The following PMP2 variants were observed in gnomAD, a reference collection of about 807,000 sequenced individuals.
The protein encoded by PMP2 is peripheral myelin protein 2.
Under a neutral mutation model 15.9 loss-of-function variants are expected in PMP2, and 11 were observed. The ratio of observed to expected loss-of-function variants is 0.69; its 90% CI spans 0.44 to 1.14. The LOEUF is 1.14. Ranked by LOEUF, PMP2 falls within the 50% of genes most tolerant of loss-of-function variation. PMP2 has a pLI of 0.00. For missense variants in PMP2, 151 were observed against 154.0 expected, an observed-to-expected ratio of 0.98 and a Z score of 0.10; for synonymous variants, 55 against 54.1, an observed-to-expected ratio of 1.02 and a Z score of -0.07.
chr8:81,444,581 T>G lies in PMP2; in HGVS notation c.267A>C (p.Arg89Ser), dbSNP rs375942205. The G allele has an allele frequency of 3.7e-6, 6 of 1,613,776 alleles. No individual in the cohort carries two copies. The highest frequency in any genetic ancestry group is 5.1e-6 in the Non-Finnish European group (6 of 1,179,790). ...RKTKSIVTLQ[R>S]GSLNQVQRWD... Reference sequence around the variant, plus strand: ...ATCTCTGCACTTGATTCAGTGATCCTCTCTGCAGGGTTACGATGCTCTGCA... The same window carrying G: ...ATCTCTGCACTTGATTCAGTGATCCGCTCTGCAGGGTTACGATGCTCTGCA... Residue 89 changes from arginine to serine, a missense_variant, in exon 3 of 4, where the codon AGA (arginine) becomes AGC (serine). Physicochemically the swap from Arg to Ser is moderately radical, Grantham distance 110. Coordinates refer to ENST00000256103, the MANE Select transcript of PMP2 (RefSeq NM_002677.5).
At position 81,441,535 on chromosome 8, in the gene PMP2, T is replaced by TATC. The variant is rs1250733338; in HGVS notation, c.*1860_*1862dup. 7.0e-6 allele frequency: 1 copy of TATC among 142,168 alleles called. No homozygotes were observed. The highest frequency in any genetic ancestry group is 2.9e-5 in the African/African-American group (1 of 34,128). The allele number at this position is 142,168 out of a possible 1,614,324, so 8.8% of individuals were successfully genotyped here. ...CTTCTCATTTCTCTATCTATCTATC[T>TATC]ATCTATCTATCTATCTATCTATCTA... is the stretch of plus-strand genomic sequence containing the variant. On this transcript the variant is annotated 3_prime_UTR_variant, in exon 4 of 4. Transcript: ENST00000256103.
In PMP2 at chr8:81,441,271, A is replaced by G. The variant is rs1284016263; in HGVS notation, c.*2127T>C. ...GAGGTTGTCCATTTTTTTCCATTGC[A>G]TGGTTACTATTCTTTCCCCAGAAAC... On this transcript the variant is annotated 3_prime_UTR_variant, in exon 4 of 4. Transcript: ENST00000256103. The G allele has an allele frequency of 2.0e-5, 3 of 152,042 alleles. No homozygotes were observed. Among genetic ancestry groups the G allele is most frequent in the Non-Finnish European group, 4.4e-5 (3 of 67,974 alleles). 9.4% of individuals were successfully genotyped at this position (152,042 alleles called of 1,614,324 possible). A position where few individuals can be genotyped will look rare whatever the true frequency, so the allele number is the denominator to read the frequency against.
chr8:81,443,508 G>A, intron 3 of PMP2, 60 bp from the exon 4 acceptor site: 1 of 1,057,174 alleles, frequency 9.5e-7, no homozygotes, highest in East Asian at 2.5e-5. Flanking sequence ...CAGAAAATTT[G>A]TAATAAAAAT....
intron 3 of PMP2, among the ~76,000 whole-genome samples, chr8:81,443,900 C>T (rs551020362): frequency 2.0e-5 from 3 of 151,956 alleles, no homozygotes; most frequent in East Asian, 1.9e-4. Context: ...AAGAAACATT[C>T]GGAAGAGTAC....
At chr8:81,445,822 C>G (rs1488816944) in intron 1 of PMP2, among the ~76,000 whole-genome samples, 1 of 151,960 alleles carries the variant, frequency 6.6e-6, no homozygotes, top group Non-Finnish European at 1.5e-5. Flanking sequence ...GCTTCTATAT[C>G]TAGCTGGTAG....
intron 3 of PMP2, among the ~76,000 whole-genome samples, chr8:81,444,029 C>T (rs547518881): frequency 6.6e-4 from 101 of 151,978 alleles, no homozygotes; most frequent in African/African-American, 7.7e-4. Context: ...CATCTGCCAA[C>T]TAGAAGTCTC....
intron 1 of PMP2, among the ~76,000 whole-genome samples, chr8:81,446,403 G>C (rs889330770): frequency 6.6e-6 from 1 of 152,124 alleles, no homozygotes; most frequent in Non-Finnish European, 1.5e-5. Context: ...ATCCCCATAA[G>C]TTCTCTTACT....
chr8:81,445,445 G>A (rs191918507), intron 1 of PMP2, among the ~76,000 whole-genome samples: 2,819 of 152,104 alleles, frequency 0.019, 90 homozygotes, highest in African/African-American at 0.064. Flanking sequence ...GGATGGTCTC[G>A]ATCTCCTGAC....
chr8:81,447,242 T>C (rs1251188471), intron 1 of PMP2, 72 bp downstream of exon 1: 129 of 1,094,496 alleles, frequency 1.2e-4, no homozygotes, highest in Non-Finnish European at 5.7e-5. Context: ...CTGTTAAAAG[T>C]AGTAGATGAA....
rs949166772 is a variant in PMP2 at position 81,443,446 on chromosome 8, T to C, written c.351A>G (p.Glu117=). Residue 117 remains glutamate (E), a splice_region_variant and synonymous_variant, in exon 4 of 4, where the codon GAA becomes GAG. Transcript: ENST00000256103. ...RKLVNGKMVA[E]CKMKGVVCTR... is the part of the protein sequence containing the mutation. Reference sequence around the variant, plus strand: ...TGCACACCACGCCCTTCATTTTACATTCCTTAAAAAAGAGAGAGGTTAATT... The same window carrying C: ...TGCACACCACGCCCTTCATTTTACACTCCTTAAAAAAGAGAGAGGTTAATT... 1.9e-6 allele frequency: 3 copies of C among 1,595,932 alleles called. No individual in the cohort carries two copies. The highest frequency in any genetic ancestry group is 3.4e-5 in the Admixed American group (2 of 58,220).
In PMP2 at chr8:81,441,833, AT is replaced by A. The variant is rs1272849442; in HGVS notation, c.*1564del. 1 of 151,752 alleles carries A rather than the reference AT, an allele frequency of 6.6e-6. No individual in the cohort carries two copies. The highest frequency in any genetic ancestry group is 1.5e-5 in the Non-Finnish European group (1 of 67,912). The allele number at this position is 151,752 out of a possible 1,614,324, so 9.4% of individuals were successfully genotyped here. A position where few individuals can be genotyped will look rare whatever the true frequency, so the allele number is the denominator to read the frequency against. On this transcript the variant is annotated 3_prime_UTR_variant, in exon 4 of 4. Coordinates refer to ENST00000256103, the MANE Select transcript of PMP2 (RefSeq NM_002677.5). ...ACATTACTTTCTGGCATAACAAGAT[AT>A]TTCAAGCTCATCTTGTTCCTACCTT...
chr8:81,444,667 G>A (rs1046151768), intron 2 of PMP2, 66 bp from the exon 3 acceptor site: 3 of 1,424,696 alleles, frequency 2.1e-6, no homozygotes, highest in Non-Finnish European at 3.0e-6. Context: ...AGTTCTTTCA[G>A]TATGGAACCA....
Position 81,441,540 on chromosome 8 carries a change from ATCT to A in PMP2, c.*1855_*1857del, listed in dbSNP as rs1768222817. The A allele has an allele frequency of 6.6e-6, 1 of 151,488 alleles. No individual in the cohort carries two copies. Among genetic ancestry groups the A allele is most frequent in the Admixed American group, 6.6e-5 (1 of 15,226 alleles). 9.4% of individuals were successfully genotyped at this position (151,488 alleles called of 1,614,324 possible). A position where few individuals can be genotyped will look rare whatever the true frequency, so the allele number is the denominator to read the frequency against. ...CATTTCTCTATCTATCTATCTATCT[ATCT>A]ATCTATCTATCTATCTATCTATATA... On this transcript the variant is annotated 3_prime_UTR_variant, in exon 4 of 4. Coordinates refer to ENST00000256103, the MANE Select transcript of PMP2 (RefSeq NM_002677.5).
chr8:81,444,632 C>T, intron 2 of PMP2, 31 bp from the exon 3 acceptor site: 1 of 1,570,222 alleles, frequency 6.4e-7, no homozygotes, highest in Non-Finnish European at 8.7e-7. Flanking sequence ...AATTGACTTG[C>T]CTGAAATTTG....
At position 81,444,530 on chromosome 8, in the gene PMP2, C is replaced by G. The variant is rs1041951121; in HGVS notation, c.318G>C (p.Lys106Asn). Reference sequence around the variant, plus strand: ...CCATTTTCCCATTCACTAGCTTTCTCTTTATGGTTGTCTCTTTGCCATCCC... The same window carrying G: ...CCATTTTCCCATTCACTAGCTTTCTGTTTATGGTTGTCTCTTTGCCATCCC... Reference protein sequence around the residue: ...QRWDGKETTIKRKLVNGKMVA... With the variant: ...QRWDGKETTINRKLVNGKMVA... The change falls in exon 3 of 4, where the codon AAG becomes AAC. Residue 106 changes from lysine to asparagine, a missense_variant. Lys to Asn is a moderately conservative substitution (Grantham distance 94). Coordinates refer to ENST00000256103, the MANE Select transcript of PMP2 (RefSeq NM_002677.5). 6 of 1,613,454 alleles carry G rather than the reference C, an allele frequency of 3.7e-6. No individual in the cohort carries two copies. The highest frequency in any genetic ancestry group is 5.1e-6 in the Non-Finnish European group (6 of 1,179,560).
Position 81,441,416 on chromosome 8 carries a change from C to T in PMP2, c.*1982G>A, listed in dbSNP as rs1451117121. 13 of 152,102 alleles carry T rather than the reference C, an allele frequency of 8.5e-5. No individual in the cohort carries two copies. The highest frequency in any genetic ancestry group is 3.1e-4 in the African/African-American group (13 of 41,448). The allele number at this position is 152,102 out of a possible 1,614,324, so 9.4% of individuals were successfully genotyped here. On this transcript the variant is annotated 3_prime_UTR_variant, in exon 4 of 4. Transcript: ENST00000256103. ...ATAATTCTTGCCTGAGCCATATTTA[C>T]TGTGATGGTTGAAAAATGATGGTTT...
rs149339630 is a variant in PMP2 at position 81,444,596 on chromosome 8, G to A, written c.252C>T (p.Ile84=). Residue 84 remains isoleucine (I), a synonymous_variant, in exon 3 of 4, where the codon ATC becomes ATT. Transcript: ENST00000256103. The part of the protein sequence containing the change: ...TTADNRKTKS[I]VTLQRGSLNQ... Reference sequence around the variant, plus strand: ...TCAGTGATCCTCTCTGCAGGGTTACGATGCTCTGCAAAGACAAGGTCATGC... The same window carrying A: ...TCAGTGATCCTCTCTGCAGGGTTACAATGCTCTGCAAAGACAAGGTCATGC... The A allele has an allele frequency of 1.2e-5, 19 of 1,611,400 alleles. No individual in the cohort carries two copies. Among genetic ancestry groups the A allele is most frequent in the East Asian group, 1.1e-4 (5 of 44,862 alleles).
intron 1 of PMP2, 77 bp from the exon 2 acceptor site, chr8:81,445,066 G>T (rs754662076): frequency 3.4e-6 from 4 of 1,193,262 alleles, no homozygotes; most frequent in Non-Finnish European, 2.4e-6. Context: ...CACATCCTAC[G>T]CTCAGTGGTG....
rs1291602591 is a variant in PMP2 at position 81,441,381 on chromosome 8, G to A, written c.*2017C>T. 1 of 152,050 alleles carries A rather than the reference G, an allele frequency of 6.6e-6. No homozygotes were observed. Among genetic ancestry groups the A allele is most frequent in the Non-Finnish European group, 1.5e-5 (1 of 67,994 alleles). The allele number at this position is 152,050 out of a possible 1,614,324, so 9.4% of individuals were successfully genotyped here. ...TAAGCGAAATTTCCCCCTAGCTTTA[G>A]CATTGATTGATAATTCTTGCCTGAG... On this transcript the variant is annotated 3_prime_UTR_variant, in exon 4 of 4. Transcript: ENST00000256103.
Sources: allele counts gnomAD v4.1 joint callset (sites outside exome capture counted in the v4.1 genomes callset), GRCh38; gene constraint gnomAD v4.1.1; transcripts MANE v1.5; gene names NCBI Gene and HGNC (gene_info 2026-07-23, HGNC 2026-07-21).